PDE8A: variants seen among roughly 807,000 people sequenced by gnomAD.
The protein encoded by PDE8A is high affinity cAMP-specific and IBMX-insensitive 3',5'-cyclic phosphodiesterase 8A.
In PDE8A, 59 loss-of-function variants were observed where a neutral mutation model predicts 105.0. The observed-to-expected ratio is 0.56, with a 90% CI of 0.46 to 0.70. The LOEUF is 0.70. PDE8A is among the 30% of genes least tolerant of loss of function. PDE8A has a pLI of 0.00. For synonymous variants in PDE8A, 355 were observed against 371.9 expected (o/e 0.95, Z 0.52); for missense variants, 1,014 against 1,045.9 (o/e 0.97, Z 0.42).
At chr15:85,004,834 A>AT (rs1365476268) in intron 1 of PDE8A, among the ~76,000 whole-genome samples, 1 of 135,454 alleles carries the variant, frequency 7.4e-6, no homozygotes, top group Non-Finnish European at 1.6e-5. Flanking sequence ...GGATAATTAC[A>AT]TTTTTTAATA....
rs757779390 is a variant in PDE8A at position 85,083,248 on chromosome 15, G to A, written c.547-308G>A. On this transcript the variant is annotated intron_variant, in intron 5 of 21. Transcript: ENST00000394553. ...TTCCTCCTCCACATGTTCTAGCCTT[G>A]CTTTGTCAGTGACATGAAAACAACC... Among the ~76,000 whole-genome samples, 90 of 152,012 alleles carry A rather than the reference G, an allele frequency of 5.9e-4. 1 individual carries two copies. The highest frequency in any genetic ancestry group is 4.6e-4 in the Admixed American group (7 of 15,268).
intron 3 of PDE8A, among the ~76,000 whole-genome samples, chr15:85,067,969 G>A (rs1179189858): frequency 6.6e-6 from 1 of 152,098 alleles, no homozygotes; most frequent in Non-Finnish European, 1.5e-5. Flanking sequence ...TCTAGTGCCT[G>A]AAATGTGCCT....
At chr15:85,133,448 C>T (rs2082357885) in intron 20 of PDE8A, among the ~76,000 whole-genome samples, 1 of 152,214 alleles carries the variant, frequency 6.6e-6, no homozygotes, top group Admixed American at 6.5e-5. Flanking sequence ...AACTGGGCCG[C>T]TGCCTCCTCC....
rs367549345 is a variant in PDE8A at position 85,069,658 on chromosome 15, A to C, written c.434+2454A>C. ...GCATGGCTCCAGAACCGAAAAGCTCACACTAGGTTTAGGGGAACCAGTGAC... is the reference window on the plus strand; with the variant it reads ...GCATGGCTCCAGAACCGAAAAGCTCCCACTAGGTTTAGGGGAACCAGTGAC... On this transcript the variant is annotated intron_variant, in intron 3 of 21. Coordinates refer to ENST00000394553, the MANE Select transcript of PDE8A (RefSeq NM_002605.3). Among the ~76,000 whole-genome samples the C allele has an allele frequency of 4.6e-5, 7 of 152,110 alleles. No homozygotes were observed. In the East Asian group the frequency reaches 9.6e-4, roughly 21 times the overall value.
intron 1 of PDE8A, among the ~76,000 whole-genome samples, chr15:84,997,637 G>A (rs868088204): frequency 1.1e-4 from 16 of 151,848 alleles, no homozygotes; most frequent in African/African-American, 2.9e-4. Context: ...TCGTTGCCCA[G>A]GCCGGAGTGC....
At chr15:85,043,588 C>G (rs571641222) in intron 1 of PDE8A, among the ~76,000 whole-genome samples, 1 of 152,176 alleles carries the variant, frequency 6.6e-6, no homozygotes, top group Non-Finnish European at 1.5e-5. Context: ...GGAAAACTTA[C>G]ATTTGTCCCC....
chr15:85,131,699 G>A (rs977133283), intron 20 of PDE8A, among the ~76,000 whole-genome samples: 3 of 152,104 alleles, frequency 2.0e-5, no homozygotes, highest in Non-Finnish European at 4.4e-5. Context: ...ACCATTATCA[G>A]AGATCTTTAT....
intron 15 of PDE8A, 112 bp downstream of exon 15, chr15:85,115,599 G>A: frequency 1.7e-6 from 1 of 603,460 alleles, no homozygotes; most frequent in Non-Finnish European, 2.8e-6. Context: ...ATGTCATAAA[G>A]CCTCAGAAAC....
At chr15:84,999,293 G>A (rs2080028393) in intron 1 of PDE8A, among the ~76,000 whole-genome samples, 1 of 151,708 alleles carries the variant, frequency 6.6e-6, no homozygotes, top group African/African-American at 2.4e-5. Flanking sequence ...GCTAATTTTT[G>A]TATTTTTAGT....
At chr15:85,113,528 A>G in intron 13 of PDE8A, 81 bp downstream of exon 13, 1 of 1,176,950 alleles carries the variant, frequency 8.5e-7, no homozygotes, top group Admixed American at 1.7e-5. Context: ...GAGAAGAAAC[A>G]GGGACCCGCA....
upstream of PDE8A, chr15:84,980,760 C>G (rs2079693296): frequency 6.6e-6 from 1 of 152,322 alleles, no homozygotes; most frequent in Non-Finnish European, 1.5e-5. Context: ...GGCCCCAGGC[C>G]TGCAATGCGT....
In PDE8A at chr15:85,109,857, G is replaced by C. The variant is rs866303560; in HGVS notation, c.1114+727G>C. Among the ~76,000 whole-genome samples, 116 of 152,208 alleles carry C rather than the reference G, an allele frequency of 7.6e-4. 2 individuals are homozygous for C. The highest frequency in any genetic ancestry group is 2.7e-3 in the African/African-American group (113 of 41,452). On this transcript the variant is annotated intron_variant, in intron 12 of 21. Transcript: ENST00000394553. ...TGCTGTGTACTCCTTGCACTGGAAA[G>C]ACCATACAGATTACACCCCTGCTTT...
chr15:85,054,982 A>G (rs1430284933), intron 1 of PDE8A, among the ~76,000 whole-genome samples: 3 of 151,392 alleles, frequency 2.0e-5, no homozygotes, highest in Admixed American at 1.3e-4. Context: ...CACTGCTTTA[A>G]ATGTGTCCCA....
chr15:85,038,679 G>A (rs1045002891), intron 1 of PDE8A, among the ~76,000 whole-genome samples: 4 of 151,812 alleles, frequency 2.6e-5, no homozygotes, highest in African/African-American at 9.7e-5. Flanking sequence ...AATGGCCAAA[G>A]GACCTGAATA....
chr15:85,084,589 C>T (rs756782187), intron 6 of PDE8A, among the ~76,000 whole-genome samples: 6 of 152,174 alleles, frequency 3.9e-5, no homozygotes, highest in Non-Finnish European at 8.8e-5. Flanking sequence ...TACCCTCTCT[C>T]AGAGGAGAGT....
chr15:85,105,189 A>G (rs1054666751), intron 11 of PDE8A, among the ~76,000 whole-genome samples: 3 of 151,930 alleles, frequency 2.0e-5, no homozygotes, highest in African/African-American at 7.3e-5. Flanking sequence ...GGTTGGGGCC[A>G]TTGTTAGAGG....
intron 6 of PDE8A, among the ~76,000 whole-genome samples, chr15:85,086,046 T>A (rs2081547558): frequency 6.6e-6 from 1 of 151,314 alleles, no homozygotes; most frequent in Non-Finnish European, 1.5e-5. Flanking sequence ...GAATTTAGCA[T>A]ATGATTACAT....
chr15:85,070,288 T>C (rs1056291265), intron 3 of PDE8A, among the ~76,000 whole-genome samples: 16 of 152,218 alleles, frequency 1.1e-4, no homozygotes, highest in African/African-American at 3.9e-4. Flanking sequence ...AAATATTCTA[T>C]GTCTATTATA....
intron 20 of PDE8A, 38 bp downstream of exon 20, chr15:85,126,412 A>C (rs758558002): frequency 7.0e-7 from 1 of 1,435,218 alleles, no homozygotes; most frequent in African/African-American, 1.4e-5. Flanking sequence ...AGAGAGAGAG[A>C]GAGTTAAAAC....
Sources: allele counts gnomAD v4.1 joint callset (sites outside exome capture counted in the v4.1 genomes callset), GRCh38; gene constraint gnomAD v4.1.1; transcripts MANE v1.5; gene names NCBI Gene and HGNC (gene_info 2026-07-23, HGNC 2026-07-21).